Variants in ROBO2 observed in about 807,000 individuals in gnomAD.
ROBO2 encodes roundabout guidance receptor 2, also known as roundabout homolog 2.
Under a neutral mutation model 160.8 loss-of-function variants are expected in ROBO2, and 53 were observed. The observed-to-expected ratio is 0.33, with a 90% confidence interval of 0.26 to 0.41. The LOEUF is 0.41. Ranked by LOEUF, ROBO2 falls within the 10% of genes least tolerant of loss-of-function variation. The pLI is 1.00. For synonymous variants in ROBO2, 664 were observed against 611.7 expected (o/e 1.09, Z -1.26); for missense variants, 1,577 against 1,722.4 (o/e 0.92, Z 1.49).
At chr3:77,446,525 T>C (rs909788406) in intron 2 of ROBO2, among the ~76,000 whole-genome samples, 4 of 152,142 alleles carry the variant, frequency 2.6e-5, no homozygotes, top group Non-Finnish European at 2.9e-5. Context: ...TTTCATCATG[T>C]TGTCATATCC....
intron 2 of ROBO2, among the ~76,000 whole-genome samples, chr3:76,782,809 T>TA (rs1291537467): frequency 1.3e-5 from 2 of 150,788 alleles, no homozygotes; most frequent in African/African-American, 4.8e-5. Context: ...CTCGTTTTTT[T>TA]ATCCTTTAGT....
At chr3:77,596,512 T>G in intron 18 of ROBO2, 111 bp from the exon 20 acceptor site, 1 of 1,326,048 alleles carries the variant, frequency 7.5e-7, no homozygotes, top group Non-Finnish European at 1.1e-6. Flanking sequence ...CTTATATTAA[T>G]TTGAAGTCAA....
intron 2 of ROBO2, among the ~76,000 whole-genome samples, chr3:76,221,666 C>CT (rs1703976564): frequency 6.6e-6 from 1 of 152,134 alleles, no homozygotes; most frequent in African/African-American, 2.4e-5. Flanking sequence ...TCAAAAGACC[C>CT]TTTTATCATT....
intron 1 of ROBO2, among the ~76,000 whole-genome samples, chr3:77,067,307 A>G (rs1363008734): frequency 6.6e-6 from 1 of 151,870 alleles, no homozygotes; most frequent in Non-Finnish European, 1.5e-5. Context: ...TCAGTTTAAA[A>G]CTCAACACTC....
At chr3:76,532,858 C>G (rs538004790) in intron 2 of ROBO2, among the ~76,000 whole-genome samples, 1 of 152,068 alleles carries the variant, frequency 6.6e-6, no homozygotes, top group Non-Finnish European at 1.5e-5. Context: ...AGTGGGGTCA[C>G]GTTTTATATT....
chr3:77,308,062 A>G (rs772190624), intron 2 of ROBO2, among the ~76,000 whole-genome samples: 7 of 151,808 alleles, frequency 4.6e-5, no homozygotes, highest in Non-Finnish European at 7.4e-5. Flanking sequence ...TTGACAATAT[A>G]TGAGTTTTTA....
chr3:76,785,346 G>A (rs1257659164), intron 2 of ROBO2, among the ~76,000 whole-genome samples: 1 of 151,178 alleles, frequency 6.6e-6, no homozygotes, highest in African/African-American at 2.4e-5. Flanking sequence ...ATCAGCTGGA[G>A]CATTCATTGA....
At chr3:76,108,694 A>C (rs2070067578) in intron 2 of ROBO2, among the ~76,000 whole-genome samples, 1 of 151,580 alleles carries the variant, frequency 6.6e-6, no homozygotes, top group Non-Finnish European at 1.5e-5. Flanking sequence ...TATAATTACA[A>C]ATAGTTTTTT....
intron 24 of ROBO2, among the ~76,000 whole-genome samples, chr3:77,643,344 T>C (rs1310908360): frequency 6.6e-6 from 1 of 152,212 alleles, no homozygotes; most frequent in East Asian, 1.9e-4. Context: ...AGAACTCACA[T>C]CAAATATGTG....
intron 2 of ROBO2, among the ~76,000 whole-genome samples, chr3:77,334,518 T>A (rs2066287252): frequency 6.6e-6 from 1 of 152,214 alleles, no homozygotes; most frequent in African/African-American, 2.4e-5. Flanking sequence ...CAAACACTGC[T>A]TTCATTCATT....
Position 76,089,371 on chromosome 3 carries a change from T to TATA in ROBO2, c.109+151771_109+151772insAAT, listed in dbSNP as rs139152497. On this transcript the variant is annotated intron_variant, in intron 2 of 26. Coordinates refer to the ROBO2 transcript ENST00000487694. ...TTACCCTAATAAAAAAAACCAAAGA[T>TATA]ATTATAAGAAAAGCAAACTACAAAA... Among the ~76,000 whole-genome samples, 277 of 152,032 alleles carry TATA rather than the reference T, an allele frequency of 1.8e-3. 3 individuals carry two copies. Among genetic ancestry groups the TATA allele is most frequent in the African/African-American group, 6.3e-3 (262 of 41,496 alleles).
In ROBO2 at chr3:76,171,617, C is replaced by T. The variant is rs539830915; in HGVS notation, c.109+234015C>T. 3.5e-4 allele frequency among the ~76,000 whole-genome samples: 53 copies of T among 152,034 alleles called. No individual in the cohort carries two copies. In the South Asian group the frequency reaches 4.0e-3, roughly 11 times the overall value. ...ATTTATTTTTCCTCTTTTTTCTCTC[C>T]GAGCAATGCCCTGATGTAGCTACAT... is the stretch of plus-strand genomic sequence containing the variant. On this transcript the variant is annotated intron_variant, in intron 2 of 26. Coordinates refer to the ROBO2 transcript ENST00000487694.
Position 76,414,788 on chromosome 3 carries a change from C to CA in ROBO2, c.109+477196dup, listed in dbSNP as rs879831442. On this transcript the variant is annotated intron_variant, in intron 2 of 26. Coordinates refer to the ROBO2 transcript ENST00000487694. ...TAATTTAAAAAAAAAAAGAAAAAGA[C>CA]AAAAAAAAAATCTAGAAGGTCATGG... Among the ~76,000 whole-genome samples, 138 of 145,014 alleles carry CA rather than the reference C, an allele frequency of 9.5e-4. No individual in the cohort carries two copies. In the Middle Eastern group the frequency reaches 0.021, roughly 22 times the overall value.
chr3:77,617,038 A>T (rs2094795107), intron 21 of ROBO2, among the ~76,000 whole-genome samples: 1 of 152,214 alleles, frequency 6.6e-6, no homozygotes, highest in African/African-American at 2.4e-5. Context: ...TCTTAATGAC[A>T]TATGGAATGA....
At chr3:77,348,218 G>C (rs2067891680) in intron 2 of ROBO2, among the ~76,000 whole-genome samples, 1 of 152,094 alleles carries the variant, frequency 6.6e-6, no homozygotes, top group Non-Finnish European at 1.5e-5. Flanking sequence ...TTAAAGAACG[G>C]CTACTCCACA....
intron 2 of ROBO2, among the ~76,000 whole-genome samples, chr3:76,070,004 TCTTTA>T (rs2068393380): frequency 6.6e-6 from 1 of 152,210 alleles, no homozygotes; most frequent in African/African-American, 2.4e-5. Context: ...CCTATGCCTG[TCTTTA>T]CTTTAATCTC....
intron 2 of ROBO2, among the ~76,000 whole-genome samples, chr3:76,245,260 G>A (rs1459735085): frequency 6.6e-6 from 1 of 152,172 alleles, no homozygotes; most frequent in East Asian, 1.9e-4. Context: ...GGGAAGGTCG[G>A]CCAGAGCTTG....
intron 2 of ROBO2, among the ~76,000 whole-genome samples, chr3:76,785,818 G>T (rs917122105): frequency 2.0e-5 from 3 of 151,244 alleles, no homozygotes; most frequent in African/African-American, 7.3e-5. Flanking sequence ...AAATACAGAT[G>T]TATCACACTT....
At chr3:77,274,383 C>A (rs1381995029) in intron 2 of ROBO2, among the ~76,000 whole-genome samples, 1 of 152,058 alleles carries the variant, frequency 6.6e-6, no homozygotes, top group Non-Finnish European at 1.5e-5. Flanking sequence ...ATTAAAATTA[C>A]ACTTGTACAT....
Sources: allele counts gnomAD v4.1 joint callset (sites outside exome capture counted in the v4.1 genomes callset), GRCh38; gene constraint gnomAD v4.1.1; transcripts MANE v1.5; gene names NCBI Gene and HGNC (gene_info 2026-07-23, HGNC 2026-07-21).